PIK3R1: variants seen among roughly 807,000 people sequenced by gnomAD.
PIK3R1 encodes phosphoinositide-3-kinase regulatory subunit 1, also known as phosphatidylinositol 3-kinase regulatory subunit alpha.
A neutral mutation model predicts 98.0 loss-of-function variants in PIK3R1; 29 were observed. The observed-to-expected ratio is 0.30, with a 90% CI of 0.22 to 0.40. PIK3R1 has a LOEUF of 0.40. Among genes scored for constraint, PIK3R1 ranks in the 10% least tolerant of loss-of-function variants. The pLI, the probability that PIK3R1 is intolerant of heterozygous loss-of-function variation, is 1.00. For missense variants in PIK3R1, 596 were observed against 872.7 expected (o/e 0.68, Z 3.99); for synonymous variants, 282 against 311.8 (o/e 0.90, Z 1.01).
chr5:68,267,651 C>CA (rs886767027), intron 2 of PIK3R1, among the ~76,000 whole-genome samples: 58 of 144,710 alleles, frequency 4.0e-4, no homozygotes, highest in East Asian at 3.6e-3. Context: ...CTTCTTCCTC[C>CA]AAAAAAAAAA....
Position 68,227,027 on chromosome 5 carries a change from G to C in PIK3R1, c.334+18G>C, listed in dbSNP as rs181402217. ...ACAACAAGGTCAGTATTGATAAGTG[G>C]TTGCTTAATGACTCCCTTTCTTTTT... On this transcript the variant is annotated intron_variant, in intron 2 of 15. Coordinates refer to ENST00000521381, the MANE Select transcript of PIK3R1 (RefSeq NM_181523.3). The C allele has an allele frequency of 8.9e-6, 14 of 1,566,656 alleles. No homozygotes were observed. The highest frequency in any genetic ancestry group is 1.1e-5 in the Non-Finnish European group (13 of 1,155,948).
In PIK3R1 at chr5:68,297,405, T is replaced by C; in HGVS notation, c.1986-7T>C. ...TCAAAAGACAGTTTTTCTTCTCTCC[T>C]CTCTAGGGTGGACGGCGAAGTAAAG... On this transcript the variant is annotated splice_polypyrimidine_tract_variant and splice_region_variant and intron_variant, in intron 15 of 15. Transcript: ENST00000521381. The C allele has an allele frequency of 6.2e-7, 1 of 1,609,150 alleles. No homozygotes were observed. The highest frequency in any genetic ancestry group is 8.5e-7 in the Non-Finnish European group (1 of 1,177,264).
intron 14 of PIK3R1, 21 bp from the exon 15 acceptor site, chr5:68,296,150 C>T (rs759804355): frequency 6.8e-6 from 11 of 1,612,838 alleles, no homozygotes; most frequent in Non-Finnish European, 8.5e-6. Context: ...CATTTAGAAA[C>T]TTTCTGTCCT....
At chr5:68,280,419 T>C in intron 5 of PIK3R1, 109 bp from the exon 6 acceptor site, 1 of 748,896 alleles carries the variant, frequency 1.3e-6, no homozygotes, top group Non-Finnish European at 2.2e-6. Context: ...ACTTTTTAAA[T>C]GACTCCTATA....
At chr5:68,285,514 C>T (rs1157373413) in intron 7 of PIK3R1, among the ~76,000 whole-genome samples, 1 of 152,120 alleles carries the variant, frequency 6.6e-6, no homozygotes, top group Admixed American at 6.6e-5. Flanking sequence ...TTTGTAGATG[C>T]GTAGAACTAA....
intron 2 of PIK3R1, among the ~76,000 whole-genome samples, chr5:68,262,909 A>G (rs1745908556): frequency 1.3e-5 from 1 of 77,272 alleles, no homozygotes; most frequent in African/African-American, 5.2e-5. Flanking sequence ...ATATACATGT[A>G]GATACATGTA....
At chr5:68,228,815 G>T (rs1744373549) in intron 2 of PIK3R1, among the ~76,000 whole-genome samples, 2 of 152,154 alleles carry the variant, frequency 1.3e-5, no homozygotes, top group South Asian at 4.1e-4. Context: ...AACAAAATTT[G>T]CATTTGATAA....
chr5:68,262,047 G>A lies in PIK3R1; in HGVS notation c.335-11343G>A, dbSNP rs181985097. 1.3e-4 allele frequency among the ~76,000 whole-genome samples: 20 copies of A among 152,244 alleles called. No homozygotes were observed. In the East Asian group the frequency reaches 3.9e-3, roughly 29 times the overall value. On this transcript the variant is annotated intron_variant, in intron 2 of 15. Transcript: ENST00000521381. ...TCACCTCTGGGCCATCCACCAGCCT[G>A]AGTCACTGCTACTTTTTCATTAACA... is the stretch of plus-strand genomic sequence containing the variant.
intron 2 of PIK3R1, among the ~76,000 whole-genome samples, chr5:68,256,149 G>A (rs756432681): frequency 5.3e-5 from 8 of 152,122 alleles, no homozygotes; most frequent in Non-Finnish European, 8.8e-5. Flanking sequence ...ATTAATCTGA[G>A]TCTTTCTCCA....
At chr5:68,235,872 A>ATTTTTTTTTTTTTTTTTT (rs56930555) in intron 2 of PIK3R1, among the ~76,000 whole-genome samples, 1 of 146,644 alleles carries the variant, frequency 6.8e-6, no homozygotes. Flanking sequence ...TCTGCCAGGC[A>ATTTTTTTTTTTTTTTTTT]TTTTTTTTTT....
chr5:68,296,436 GT>G, intron 15 of PIK3R1, 95 bp downstream of exon 15: 1 of 1,208,060 alleles, frequency 8.3e-7, no homozygotes, highest in Non-Finnish European at 1.2e-6. Context: ...ATTTGACATA[GT>G]TTTAGTCTTG....
intron 2 of PIK3R1, among the ~76,000 whole-genome samples, chr5:68,238,657 CA>C (rs1744760495): frequency 6.6e-6 from 1 of 151,646 alleles, no homozygotes; most frequent in Non-Finnish European, 1.5e-5. Context: ...GAAGGAGAAA[CA>C]AGATAAAGCT....
At chr5:68,227,290 T>C (rs1025999267) in intron 2 of PIK3R1, among the ~76,000 whole-genome samples, 1 of 152,230 alleles carries the variant, frequency 6.6e-6, no homozygotes, top group Admixed American at 6.5e-5. Context: ...ATTAAACATC[T>C]ACTATATTTC....
chr5:68,239,461 G>A (rs1486129781), intron 2 of PIK3R1, among the ~76,000 whole-genome samples: 2 of 152,084 alleles, frequency 1.3e-5, no homozygotes, highest in African/African-American at 2.4e-5. Flanking sequence ...TTCAACACAC[G>A]CATTATTTTT....
At chr5:68,251,518 G>A (rs1163482796) in intron 2 of PIK3R1, among the ~76,000 whole-genome samples, 3 of 151,436 alleles carry the variant, frequency 2.0e-5, no homozygotes, top group Admixed American at 6.6e-5. Context: ...TTTGTAAGCC[G>A]TTCACTAACA....
At chr5:68,242,964 A>C (rs1193922967) in intron 2 of PIK3R1, among the ~76,000 whole-genome samples, 1 of 152,128 alleles carries the variant, frequency 6.6e-6, no homozygotes, top group Non-Finnish European at 1.5e-5. Context: ...AGTGCTCTAC[A>C]AGTATAGAAA....
In PIK3R1 at chr5:68,249,458, C is replaced by T. The variant is rs547345541; in HGVS notation, c.334+22449C>T. On this transcript the variant is annotated intron_variant, in intron 2 of 15. Transcript: ENST00000521381. ...CGGGGTTGTTAAAATACTGCCTGGACATATTATCTACCCTGCACTAAGTGG... is the reference window on the plus strand; with the variant it reads ...CGGGGTTGTTAAAATACTGCCTGGATATATTATCTACCCTGCACTAAGTGG... 1.4e-3 allele frequency among the ~76,000 whole-genome samples: 218 copies of T among 152,354 alleles called. 2 individuals are homozygous for T. Among genetic ancestry groups the T allele is most frequent in the Admixed American group, 2.4e-3 (36 of 15,302 alleles).
chr5:68,250,364 C>T lies in PIK3R1; in HGVS notation c.335-23026C>T, dbSNP rs572315949. 6.9e-4 allele frequency among the ~76,000 whole-genome samples: 105 copies of T among 152,322 alleles called. 1 individual carries two copies. Among genetic ancestry groups the T allele is most frequent in the Non-Finnish European group, 1.2e-3 (81 of 68,024 alleles). On this transcript the variant is annotated intron_variant, in intron 2 of 15. Coordinates refer to ENST00000521381, the MANE Select transcript of PIK3R1 (RefSeq NM_181523.3). ...CCACACGTCTTCTGCTGCCTGCCTTCCAGCCCTTTGCTTTTCCCCAGCTCC... is the reference window on the plus strand; with the variant it reads ...CCACACGTCTTCTGCTGCCTGCCTTTCAGCCCTTTGCTTTTCCCCAGCTCC...
chr5:68,252,611 G>A (rs1210439587), intron 2 of PIK3R1, among the ~76,000 whole-genome samples: 1 of 152,164 alleles, frequency 6.6e-6, no homozygotes, highest in South Asian at 2.1e-4. Flanking sequence ...GTTATTAGAA[G>A]TTCTAATTTT....
Sources: allele counts gnomAD v4.1 joint callset (sites outside exome capture counted in the v4.1 genomes callset), GRCh38; gene constraint gnomAD v4.1.1; transcripts MANE v1.5; gene names NCBI Gene and HGNC (gene_info 2026-07-23, HGNC 2026-07-21).